TTL: variants seen among roughly 807,000 people sequenced by gnomAD.
TTL encodes tubulin tyrosine ligase, also known as tubulin--tyrosine ligase.
A neutral mutation model predicts 41.1 loss-of-function variants in TTL; 10 were observed. That is an observed-to-expected ratio of 0.24 (90% CI 0.15 to 0.41). The LOEUF (loss-of-function observed/expected upper bound fraction) is 0.41, where lower values mean the gene tolerates loss of function less well. TTL is among the 10% of genes least tolerant of loss of function. The probability of loss-of-function intolerance (pLI) is 1.00; values close to 1 mark genes in which losing one functional copy is unlikely to be tolerated. For missense variants in TTL, 367 were observed against 460.4 expected, an observed-to-expected ratio of 0.80 and a Z score of 1.86; for synonymous variants, 175 against 175.5, an observed-to-expected ratio of 1.00 and a Z score of 0.02.
intron 3 of TTL, among the ~76,000 whole-genome samples, chr2:112,499,523 C>G (rs1430377670): frequency 6.6e-6 from 1 of 152,132 alleles, no homozygotes; most frequent in Non-Finnish European, 1.5e-5. Flanking sequence ...CAAAATGGAT[C>G]GTGGACCTAA....
At chr2:112,518,654 C>T (rs969234495) in intron 5 of TTL, among the ~76,000 whole-genome samples, 3 of 150,014 alleles carry the variant, frequency 2.0e-5, no homozygotes, top group Non-Finnish European at 3.0e-5. Context: ...ACGACAGTTC[C>T]CTGTATCTTT....
In TTL at chr2:112,538,457, G is replaced by C. The variant is rs1682639050; in HGVS notation, c.*9662G>C. The C allele has an allele frequency of 6.6e-6, 1 of 152,198 alleles. No individual in the cohort carries two copies. The highest frequency in any genetic ancestry group is 2.4e-5 in the African/African-American group (1 of 41,458). The allele number at this position is 152,198 out of a possible 1,614,324, so 9.4% of individuals were successfully genotyped here. A position where few individuals can be genotyped will look rare whatever the true frequency, so the allele number is the denominator to read the frequency against. Reference sequence around the variant, plus strand: ...GTGGGACTTATCCTAAGATTACAAAGTTTGGAATAACTCATGTTCTCTTGT... The same window carrying C: ...GTGGGACTTATCCTAAGATTACAAACTTTGGAATAACTCATGTTCTCTTGT... On this transcript the variant is annotated 3_prime_UTR_variant, in exon 7 of 7. Transcript: ENST00000233336.
At position 112,531,802 on chromosome 2, in the gene TTL, C is replaced by G. The variant is rs1011043032; in HGVS notation, c.*3007C>G. ...CTAAGCAGTTTCTCTGTTTGCTTGT[C>G]ATAGCAGCATTTGGAAACTCAAACA... On this transcript the variant is annotated 3_prime_UTR_variant, in exon 7 of 7. Transcript: ENST00000233336. 4.5e-6 allele frequency: 1 copy of G among 223,822 alleles called. No individual in the cohort carries two copies. The highest frequency in any genetic ancestry group is 8.9e-6 in the Non-Finnish European group (1 of 112,234). The allele number at this position is 223,822 out of a possible 1,614,324, so 13.9% of individuals were successfully genotyped here. A position where few individuals can be genotyped will look rare whatever the true frequency, so the allele number is the denominator to read the frequency against.
At chr2:112,483,891 G>A (rs1367726896) in intron 1 of TTL, 1 of 152,174 alleles carries the variant, frequency 6.6e-6, no homozygotes, top group Non-Finnish European at 1.5e-5. Context: ...TGGTTAACCG[G>A]TGTCAGGAAG....
chr2:112,482,256 C>T lies in TTL; in HGVS notation c.-89C>T, dbSNP rs13424690. 0.12 allele frequency: 112,674 copies of T among 937,330 alleles called. 7,020 individuals carry two copies. Among genetic ancestry groups the T allele is most frequent in the African/African-American group, 0.17 (9,554 of 55,732 alleles). The allele number at this position is 937,330 out of a possible 1,614,324, so 58.1% of individuals were successfully genotyped here. ...GCGGCGGGGGCCGGGCCGCGGCGGG[C>T]GCCCGGGCGGGGTCCGCGCTGAGCC... On this transcript the variant is annotated 5_prime_UTR_variant, in exon 1 of 7. Coordinates refer to ENST00000233336, the MANE Select transcript of TTL (RefSeq NM_153712.5). The surrounding 1 kb of genome is among the most constrained non-coding windows in gnomAD (Gnocchi z 5.3).
chr2:112,503,131 G>C lies in TTL; in HGVS notation c.825G>C (p.Leu275Phe). Residue 275 changes from leucine to phenylalanine, a missense_variant, in exon 5 of 7, where the codon TTG (leucine) becomes TTC (phenylalanine). Leu to Phe is a conservative substitution (Grantham distance 22). Transcript: ENST00000233336. Reference protein sequence around the residue: ...KEFNQYLTSALNITLESSILL... With the variant: ...KEFNQYLTSAFNITLESSILL... ...TCAATCAGTACCTAACAAGTGCTTT[G>C]AACATTACCCTAGAAAGTAGTATCT... 1 of 1,611,656 alleles carries C rather than the reference G, an allele frequency of 6.2e-7. No individual in the cohort carries two copies. The highest frequency in any genetic ancestry group is 8.5e-7 in the Non-Finnish European group (1 of 1,179,308).
chr2:112,503,976 A>T (rs1574062956), intron 5 of TTL, among the ~76,000 whole-genome samples: 2 of 69,494 alleles, frequency 2.9e-5, no homozygotes, highest in African/African-American at 1.1e-4. Context: ...CCCCGACCCC[A>T]CCACAGTCCC....
At chr2:112,528,486 G>A (rs1365456311) in intron 6 of TTL, among the ~76,000 whole-genome samples, 195 bp from the exon 7 acceptor site, 1 of 152,140 alleles carries the variant, frequency 6.6e-6, no homozygotes, top group African/African-American at 2.4e-5. Context: ...TATAGTGCCA[G>A]CTACTTGGGA....
At chr2:112,527,424 C>T (rs2104479385) in intron 6 of TTL, among the ~76,000 whole-genome samples, 1 of 152,132 alleles carries the variant, frequency 6.6e-6, no homozygotes, top group South Asian at 2.1e-4. Flanking sequence ...GTTGAAGTCT[C>T]CCACTATTAT....
Position 112,525,533 on chromosome 2 carries a change from T to C in TTL, c.1020-3148T>C, listed in dbSNP as rs547605665. On this transcript the variant is annotated intron_variant, in intron 6 of 6. Transcript: ENST00000233336. Reference sequence around the variant, plus strand: ...TCCCTTGTAAGTTGGATTATTGGTATTTTATTCTCTCTGAAGCAGTTGTGA... The same window carrying C: ...TCCCTTGTAAGTTGGATTATTGGTACTTTATTCTCTCTGAAGCAGTTGTGA... Among the ~76,000 whole-genome samples, 51 of 152,306 alleles carry C rather than the reference T, an allele frequency of 3.3e-4. 1 individual carries two copies. In the South Asian group the frequency reaches 0.01, roughly 31 times the overall value.
intron 6 of TTL, among the ~76,000 whole-genome samples, chr2:112,525,795 T>C (rs545960273): frequency 2.9e-3 from 438 of 152,330 alleles, no homozygotes; most frequent in Non-Finnish European, 5.6e-3. Flanking sequence ...TCCTGCCTGA[T>C]TGCCCTGGCC....
At chr2:112,527,928 C>T (rs1243745030) in intron 6 of TTL, among the ~76,000 whole-genome samples, 1 of 152,136 alleles carries the variant, frequency 6.6e-6, no homozygotes, top group Non-Finnish European at 1.5e-5. Context: ...TACAGTTTGG[C>T]ATGTTTTTGC....
Position 112,529,522 on chromosome 2 carries a change from G to A in TTL, c.*727G>A, listed in dbSNP as rs1402074895. 4.4e-6 allele frequency: 1 copy of A among 229,052 alleles called. No individual in the cohort carries two copies. The highest frequency in any genetic ancestry group is 2.2e-5 in the African/African-American group (1 of 45,134). 14.2% of individuals were successfully genotyped at this position (229,052 alleles called of 1,614,324 possible). On this transcript the variant is annotated 3_prime_UTR_variant, in exon 7 of 7. Transcript: ENST00000233336. ...GATATATTGCTTTACTTAATAGGTT[G>A]AATATGGTAGGTCTTTGAAAATATG...
Position 112,529,926 on chromosome 2 carries a change from C to T in TTL, c.*1131C>T, listed in dbSNP as rs1682466109. 2 of 225,330 alleles carry T rather than the reference C, an allele frequency of 8.9e-6. No individual in the cohort carries two copies. The highest frequency in any genetic ancestry group is 1.8e-5 in the Non-Finnish European group (2 of 113,002). 14.0% of individuals were successfully genotyped at this position (225,330 alleles called of 1,614,324 possible). ...TCTTGTAAATCTCAACAAATGTGTACTGTTAGAAGTGGCTTCCGCTTACTG... is the reference window on the plus strand; with the variant it reads ...TCTTGTAAATCTCAACAAATGTGTATTGTTAGAAGTGGCTTCCGCTTACTG... On this transcript the variant is annotated 3_prime_UTR_variant, in exon 7 of 7. Coordinates refer to ENST00000233336, the MANE Select transcript of TTL (RefSeq NM_153712.5).
At chr2:112,494,495 G>C (rs1681474553) in intron 3 of TTL, 120 bp downstream of exon 3, 3 of 757,264 alleles carry the variant, frequency 4.0e-6, no homozygotes, top group Non-Finnish European at 4.3e-6. Context: ...TAGTTACATA[G>C]TTATAAATAC....
intron 2 of TTL, among the ~76,000 whole-genome samples, chr2:112,487,409 G>C (rs914487753): frequency 5.9e-5 from 9 of 152,160 alleles, no homozygotes; most frequent in African/African-American, 2.2e-4. Context: ...GGACATGCTT[G>C]TTTATTCAAA....
intron 6 of TTL, chr2:112,521,107 G>T (rs867807186): frequency 3.3e-6 from 3 of 898,212 alleles, no homozygotes; most frequent in African/African-American, 1.8e-5. Context: ...GACATGGGGG[G>T]TCTGGAGCTG....
intron 2 of TTL, among the ~76,000 whole-genome samples, chr2:112,487,016 A>G (rs1681258090): frequency 1.3e-5 from 2 of 152,128 alleles, no homozygotes; most frequent in Non-Finnish European, 2.9e-5. Flanking sequence ...TGTCATTGCT[A>G]TTACTGTTGT....
intron 6 of TTL, 43 bp from the exon 7 acceptor site, chr2:112,528,638 T>C: frequency 1.3e-6 from 2 of 1,538,498 alleles, no homozygotes; most frequent in Non-Finnish European, 1.8e-6. Context: ...TTGCTTGTAC[T>C]TTGATGAACA....
Sources: gnomAD v4.1 joint callset for allele counts (sites outside exome capture counted in the v4.1 genomes callset) on GRCh38, gnomAD v4.1.1 for gene constraint, Gnocchi (gnomAD v3.1) non-coding constraint, MANE v1.5 for transcripts, NCBI Gene and HGNC (gene_info 2026-07-23, HGNC 2026-07-21) for gene names.